Variants in FLACC1 observed in about 807,000 individuals in gnomAD.
The protein encoded by FLACC1 is flagellum associated containing coiled-coil domains 1.
Under a neutral mutation model 62.8 loss-of-function variants are expected in FLACC1, and 66 were observed. The observed-to-expected ratio is 1.05, with a 90% CI of 0.86 to 1.29. The LOEUF is 1.29. FLACC1 is among the 50% of genes most tolerant of loss of function. The probability of loss-of-function intolerance (pLI) is 0.00; values close to 1 mark genes in which losing one functional copy is unlikely to be tolerated. For missense variants in FLACC1, 452 were observed against 489.1 expected, an observed-to-expected ratio of 0.92 and a Z score of 0.71; for synonymous variants, 156 against 161.0, an observed-to-expected ratio of 0.97 and a Z score of 0.24.
At position 201,307,576 on chromosome 2, in the gene FLACC1, ATCT is replaced by A. The variant is rs1559393327; in HGVS notation, c.819_821del (p.Glu273del). On this transcript the variant is annotated inframe_deletion, in exon 11 of 15. Coordinates refer to ENST00000392257, the MANE Select transcript of FLACC1 (RefSeq NM_001127391.3). The stretch of plus-strand genomic sequence containing the variant: ...CACTGCAGGATTCATTTATTTTCTT[ATCT>A]TCTTCTCCTGACTCCATTTCGAATT... The A allele has an allele frequency of 6.2e-6, 10 of 1,614,156 alleles. No homozygotes were observed. The highest frequency in any genetic ancestry group is 2.2e-5 in the East Asian group (1 of 44,882).
intron 9 of FLACC1, 100 bp from the exon 10 acceptor site, chr2:201,309,350 G>A (rs986434307): frequency 4.7e-6 from 4 of 857,050 alleles, no homozygotes; most frequent in Non-Finnish European, 7.8e-6. Flanking sequence ...TCTTGGCATT[G>A]CACAGTGGCC....
chr2:201,299,366 A>G, intron 11 of FLACC1, 66 bp from the exon 12 acceptor site: 2 of 1,297,028 alleles, frequency 1.5e-6, no homozygotes, highest in South Asian at 2.5e-5. Flanking sequence ...GGGAGTTAAG[A>G]AAGCCAGACT....
intron 3 of FLACC1, among the ~76,000 whole-genome samples, chr2:201,348,787 TCA>T (rs1950968786): frequency 6.6e-6 from 1 of 152,232 alleles, no homozygotes; most frequent in African/African-American, 2.4e-5. Context: ...AACTTGTTTT[TCA>T]TTCAAATCTT....
intron 9 of FLACC1, among the ~76,000 whole-genome samples, chr2:201,311,291 T>C (rs963511806): frequency 1.3e-5 from 2 of 152,018 alleles, no homozygotes; most frequent in Non-Finnish European, 2.9e-5. Flanking sequence ...CCTAACTTAT[T>C]CTATGAAGCT....
chr2:201,297,245 C>G (rs1057282177), intron 12 of FLACC1, among the ~76,000 whole-genome samples: 1 of 152,048 alleles, frequency 6.6e-6, no homozygotes. Flanking sequence ...GCCTGGAGCT[C>G]AGGAGAGAGG....
At chr2:201,318,873 C>T (rs1435976190) in intron 9 of FLACC1, among the ~76,000 whole-genome samples, 4 of 152,018 alleles carry the variant, frequency 2.6e-5, no homozygotes, top group Admixed American at 1.3e-4. Flanking sequence ...TGTTCTCACT[C>T]ATAAGTGGAA....
At chr2:201,309,925 A>AAAAAAAAAAAAAAAAAAGAAG (rs764506462) in intron 9 of FLACC1, among the ~76,000 whole-genome samples, 2 of 99,390 alleles carry the variant, frequency 2.0e-5, no homozygotes, top group Admixed American at 1.1e-4. Context: ...AAAAAAAAAA[A>AAAAAAAAAAAAAAAAAAGAAG]AAGAAGAAGA....
intron 9 of FLACC1, among the ~76,000 whole-genome samples, chr2:201,318,851 C>A (rs1195353748): frequency 6.6e-6 from 1 of 152,086 alleles, no homozygotes; most frequent in Admixed American, 6.5e-5. Context: ...GAATGGAAAA[C>A]CAAACATCGT....
chr2:201,296,804 A>T (rs1339854515), intron 12 of FLACC1, among the ~76,000 whole-genome samples: 2 of 152,144 alleles, frequency 1.3e-5, no homozygotes, highest in Non-Finnish European at 2.9e-5. Flanking sequence ...GTAACCTAAG[A>T]ACAATGGGGA....
intron 7 of FLACC1, among the ~76,000 whole-genome samples, chr2:201,338,217 G>A (rs1037674082): frequency 2.0e-5 from 3 of 152,160 alleles, no homozygotes; most frequent in African/African-American, 7.2e-5. Context: ...CACTGTTGGT[G>A]TACAGAAATG....
At chr2:201,303,507 A>G (rs1385346135) in intron 11 of FLACC1, among the ~76,000 whole-genome samples, 1 of 152,236 alleles carries the variant, frequency 6.6e-6, no homozygotes, top group East Asian at 1.9e-4. Context: ...AGGTACAAGG[A>G]GGAGCTGGTA....
intron 11 of FLACC1, among the ~76,000 whole-genome samples, chr2:201,306,483 A>G (rs926682230): frequency 6.6e-6 from 1 of 152,226 alleles, no homozygotes; most frequent in African/African-American, 2.4e-5. Context: ...ACAACTGAAT[A>G]TCCATAAGAC....
At chr2:201,304,054 A>G (rs1016192020) in intron 11 of FLACC1, among the ~76,000 whole-genome samples, 1 of 152,224 alleles carries the variant, frequency 6.6e-6, no homozygotes, top group Non-Finnish European at 1.5e-5. Flanking sequence ...ACTCCTATTC[A>G]ACATAGTGTT....
intron 1 of FLACC1, among the ~76,000 whole-genome samples, chr2:201,353,515 C>G (rs182496060): frequency 1.2e-4 from 18 of 152,308 alleles, no homozygotes; most frequent in Admixed American, 1.2e-3. Flanking sequence ...GAAATTGAGA[C>G]TTTTCCTTAA....
intron 7 of FLACC1, among the ~76,000 whole-genome samples, chr2:201,333,928 G>T (rs996065218): frequency 6.6e-6 from 1 of 152,170 alleles, no homozygotes; most frequent in Non-Finnish European, 1.5e-5. Flanking sequence ...CCAGTAATGG[G>T]ATGGCTGGAT....
intron 7 of FLACC1, among the ~76,000 whole-genome samples, chr2:201,339,707 A>G (rs926789636): frequency 1.3e-5 from 2 of 152,048 alleles, no homozygotes; most frequent in African/African-American, 4.8e-5. Flanking sequence ...GCGTTTGTAT[A>G]GTTTCCAAAG....
At chr2:201,359,277 T>C (rs1432295690), upstream of FLACC1, among the ~76,000 whole-genome samples, 3 of 152,160 alleles carry the variant, frequency 2.0e-5, no homozygotes. Context: ...AGATTATTAG[T>C]TCAGTTTTGG....
At chr2:201,288,889 A>AGTCT in intron 14 of FLACC1, 108 bp from the exon 15 acceptor site, 1 of 1,276,500 alleles carries the variant, frequency 7.8e-7, no homozygotes, top group Non-Finnish European at 1.1e-6. Context: ...TCACCACAGC[A>AGTCT]GTCTCTCACT....
intron 10 of FLACC1, among the ~76,000 whole-genome samples, 168 bp downstream of exon 10, chr2:201,308,983 G>T (rs1306781390): frequency 6.6e-6 from 1 of 152,118 alleles, no homozygotes; most frequent in Non-Finnish European, 1.5e-5. Context: ...CCCTACCCTT[G>T]TTGTCATTTT....
Sources: allele counts gnomAD v4.1 joint callset (sites outside exome capture counted in the v4.1 genomes callset), GRCh38; gene constraint gnomAD v4.1.1; transcripts MANE v1.5; gene names NCBI Gene and HGNC (gene_info 2026-07-23, HGNC 2026-07-21).